The following HNF4G variants were observed in gnomAD, a reference collection of about 807,000 sequenced individuals.
The protein encoded by HNF4G is hepatocyte nuclear factor 4-gamma.
HNF4G carries 21 observed loss-of-function variants against 50.9 expected under a neutral mutation model. The observed-to-expected ratio is 0.41, with a 90% confidence interval of 0.29 to 0.59. The LOEUF (loss-of-function observed/expected upper bound fraction) is 0.59. Ranked by LOEUF, HNF4G falls within the 20% of genes least tolerant of loss-of-function variation. The pLI is 0.26. For missense variants in HNF4G, 527 were observed against 559.4 expected, an observed-to-expected ratio of 0.94 and a Z score of 0.58; for synonymous variants, 198 against 185.6, an observed-to-expected ratio of 1.07 and a Z score of -0.54.
In HNF4G at chr8:75,558,879, A is replaced by G. The variant is rs767411990; in HGVS notation, c.965A>G (p.Asn322Ser). The G allele has an allele frequency of 5.0e-6, 8 of 1,614,106 alleles. No individual in the cohort carries two copies. The highest frequency in any genetic ancestry group is 1.3e-5 in the African/African-American group (1 of 75,048). ...QVQIGLEDYI[N>S]DRQYDSRGRF... is the part of the protein sequence containing the mutation. ...CAGATCGGTTTGGAGGACTACATCA[A>G]TGATCGGCAGTATGACTCCCGGGGG... Residue 322 changes from asparagine to serine, a missense_variant, in exon 8 of 10, where the codon AAT becomes AGT. Asn to Ser is a conservative substitution (Grantham distance 46, BLOSUM62 1). Coordinates refer to ENST00000396423, the MANE Select transcript of HNF4G (RefSeq NM_004133.5).
At chr8:75,452,536 G>A (rs1811610007) in intron 1 of HNF4G, among the ~76,000 whole-genome samples, 1 of 152,004 alleles carries the variant, frequency 6.6e-6, no homozygotes. Context: ...TGGCTAACAC[G>A]GCGAAACCCC....
chr8:75,437,556 T>C (rs1811168180), intron 1 of HNF4G, among the ~76,000 whole-genome samples: 1 of 152,128 alleles, frequency 6.6e-6, no homozygotes, highest in African/African-American at 2.4e-5. Context: ...CAGTCTTTTA[T>C]AAAATGTGAC....
At chr8:75,423,423 C>A (rs896715395) in intron 1 of HNF4G, among the ~76,000 whole-genome samples, 4 of 137,650 alleles carry the variant, frequency 2.9e-5, no homozygotes, top group African/African-American at 1.1e-4. Flanking sequence ...GATCTTGGTG[C>A]ACTGCAACCT....
At chr8:75,554,600 A>G (rs544571468) in intron 5 of HNF4G, among the ~76,000 whole-genome samples, 1 of 152,300 alleles carries the variant, frequency 6.6e-6, no homozygotes, top group African/African-American at 2.4e-5. Flanking sequence ...AAATTCATTC[A>G]ATAAATTCAT....
rs773555360 is a variant in HNF4G, at chr8:75,540,032, T to G, written c.70T>G (p.Tyr24Asp). 1 of 1,610,022 alleles carries G rather than the reference T, an allele frequency of 6.2e-7. No homozygotes were observed. Among genetic ancestry groups the G allele is most frequent in the South Asian group, 1.1e-5 (1 of 91,006 alleles). The change falls in exon 1 of 10, where the codon TAC becomes GAC. Residue 24 changes from tyrosine to aspartate, a missense_variant. Physicochemically the swap from Tyr to Asp is radical, Grantham distance 160 (BLOSUM62 -3). Coordinates refer to ENST00000396423, the MANE Select transcript of HNF4G (RefSeq NM_004133.5). ...ANYSEVLDPT[Y>D]TTLEFETMQI... ...TTACAGTGAAGTTTTGGACCCAACT[T>G]ACACAACTTTGGAGTTTGAAACTAT... is the stretch of plus-strand genomic sequence containing the variant.
chr8:75,518,415 C>T (rs571550918), intron 2 of HNF4G, among the ~76,000 whole-genome samples: 3 of 152,142 alleles, frequency 2.0e-5, no homozygotes, highest in Non-Finnish European at 4.4e-5. Context: ...CTGTGGAAGT[C>T]GGTGTGGCGA....
intron 1 of HNF4G, among the ~76,000 whole-genome samples, chr8:75,439,936 T>G (rs1811237278): frequency 6.6e-6 from 1 of 152,036 alleles, no homozygotes; most frequent in Non-Finnish European, 1.5e-5. Flanking sequence ...TCATGAAAGC[T>G]CCTTAAATTT....
At position 75,528,705 on chromosome 8, in the gene HNF4G, CTG is replaced by C. The variant is rs75593957; in HGVS notation, c.-23-15104_-23-15103del. ...ATTCATAGGAAACTTTGTTACCTCT[CTG>C]TTTGGATTTATGAAACTGGTTCTCT... On this transcript the variant is annotated intron_variant, in intron 2 of 10. Transcript: ENST00000354370. Among the ~76,000 whole-genome samples, 1,164 of 152,242 alleles carry C rather than the reference CTG, an allele frequency of 7.6e-3. 51 individuals are homozygous for C. In the East Asian group the frequency reaches 0.14, roughly 19 times the overall value.
At chr8:75,543,502 G>A (rs1157052621) in intron 1 of HNF4G, among the ~76,000 whole-genome samples, 2 of 152,132 alleles carry the variant, frequency 1.3e-5, no homozygotes, top group East Asian at 3.9e-4. Context: ...GAGACATCGG[G>A]GCTAGAGATA....
chr8:75,534,003 C>T (rs903592888), intron 2 of HNF4G, among the ~76,000 whole-genome samples: 13 of 151,898 alleles, frequency 8.6e-5, no homozygotes, highest in African/African-American at 2.9e-4. Context: ...CTAAATTGCA[C>T]TCAGCATAGT....
At chr8:75,430,776 T>C (rs1810998657) in intron 1 of HNF4G, among the ~76,000 whole-genome samples, 1 of 152,102 alleles carries the variant, frequency 6.6e-6, no homozygotes, top group Admixed American at 6.6e-5. Context: ...CACATAACTC[T>C]CATAGATAAA....
At chr8:75,553,332 G>T in intron 5 of HNF4G, 135 bp downstream of exon 5, 2 of 711,890 alleles carry the variant, frequency 2.8e-6, no homozygotes, top group Admixed American at 6.1e-5. Context: ...AGGAAGGATT[G>T]GGTTTCCTTA....
At chr8:75,523,782 T>C (rs1251846805) in intron 2 of HNF4G, among the ~76,000 whole-genome samples, 1 of 151,960 alleles carries the variant, frequency 6.6e-6, no homozygotes, top group African/African-American at 2.4e-5. Flanking sequence ...GAAAACCATG[T>C]CATTGCAGTA....
upstream of HNF4G, among the ~76,000 whole-genome samples, chr8:75,535,447 G>T (rs1207415261): frequency 6.6e-6 from 1 of 151,548 alleles, no homozygotes; most frequent in African/African-American, 2.4e-5. Context: ...TCACTTAATG[G>T]TTTCCTGCTT....
intron 2 of HNF4G, among the ~76,000 whole-genome samples, chr8:75,511,046 T>C (rs1805736718): frequency 6.6e-6 from 1 of 152,124 alleles, no homozygotes; most frequent in African/African-American, 2.4e-5. Context: ...TGGTTTGTGC[T>C]TTTTGCATCT....
At chr8:75,411,566 T>G (rs1213466182) in intron 1 of HNF4G, among the ~76,000 whole-genome samples, 1 of 152,228 alleles carries the variant, frequency 6.6e-6, no homozygotes, top group African/African-American at 2.4e-5. Context: ...TGATAACATC[T>G]GATGTTCCCC....
chr8:75,526,105 A>AATTTATTTATTTATTT (rs34542534), intron 2 of HNF4G, among the ~76,000 whole-genome samples: 3 of 143,816 alleles, frequency 2.1e-5, no homozygotes, highest in East Asian at 2.1e-4. Context: ...TACTTGCTCA[A>AATTTATTTATTTATTT]ATTTATTTAT....
At chr8:75,456,060 A>T (rs1337512229) in intron 1 of HNF4G, among the ~76,000 whole-genome samples, 1 of 152,194 alleles carries the variant, frequency 6.6e-6, no homozygotes, top group Non-Finnish European at 1.5e-5. Context: ...TGTAAAGAAC[A>T]CTTCTTATCT....
intron 2 of HNF4G, among the ~76,000 whole-genome samples, chr8:75,509,909 A>G (rs1164131870): frequency 6.6e-6 from 1 of 152,214 alleles, no homozygotes; most frequent in Admixed American, 6.5e-5. Flanking sequence ...TTATGTATTT[A>G]CTATACTTTT....
Sources: allele counts gnomAD v4.1 joint callset (sites outside exome capture counted in the v4.1 genomes callset), GRCh38; gene constraint gnomAD v4.1.1; transcripts MANE v1.5; gene names NCBI Gene and HGNC (gene_info 2026-07-23, HGNC 2026-07-21).